Variants in FBXW10B observed in about 807,000 individuals in gnomAD.
The protein encoded by FBXW10B is F-box and WD repeat domain containing 10B, also known as F-box and WD repeat domain containing protein 10B.
the FBXW10B span, chr17:15,593,319 T>C: frequency 1.2e-6 from 2 of 1,613,840 alleles, no homozygotes; most frequent in African/African-American, 1.3e-5. Context: ...AGTTCTGACC[T>C]CCACACCTAC....
the FBXW10B span, chr17:15,565,919 C>T: frequency 6.2e-7 from 1 of 1,606,172 alleles, no homozygotes; most frequent in South Asian, 1.1e-5. Flanking sequence ...ACTTGGTCTC[C>T]ACCCTTTAAG....
the FBXW10B span, among the ~76,000 whole-genome samples, chr17:15,601,408 CA>C: frequency 0.25 from 16,596 of 66,480 alleles, 612 homozygotes; most frequent in Admixed American, 0.32. Flanking sequence ...GACTCCGTCT[CA>C]AAAAAAAAAA....
chr17:15,598,917 C>G, the FBXW10B span: 2,505 of 432,986 alleles, frequency 5.8e-3, 43 homozygotes, highest in East Asian at 0.047. Flanking sequence ...TGGCTCACCC[C>G]TGTAATCCCA....
the FBXW10B span, chr17:15,618,972 G>C: frequency 1.9e-6 from 3 of 1,599,776 alleles, no homozygotes; most frequent in Non-Finnish European, 1.7e-6. Flanking sequence ...TCTGGTCTTC[G>C]GGGGCCCTCT....
the FBXW10B span, among the ~76,000 whole-genome samples, chr17:15,579,846 C>A: frequency 1.3e-5 from 2 of 152,076 alleles, no homozygotes; most frequent in Non-Finnish European, 2.9e-5. Flanking sequence ...TTCTTAATTT[C>A]TGTAGAAAAT....
chr17:15,610,452 C>T, the FBXW10B span, among the ~76,000 whole-genome samples: 5 of 152,150 alleles, frequency 3.3e-5, no homozygotes, highest in African/African-American at 9.6e-5. Context: ...TCTGCTTTAG[C>T]TTCACTATCT....
chr17:15,616,811 C>CAAAAA, the FBXW10B span, among the ~76,000 whole-genome samples: 5 of 64,618 alleles, frequency 7.7e-5, no homozygotes, highest in African/African-American at 1.3e-4. Context: ...GACTCTGTCT[C>CAAAAA]AAAAAAAAAA....
At chr17:15,583,861 G>GTT in the FBXW10B span, among the ~76,000 whole-genome samples, 1 of 151,298 alleles carries the variant, frequency 6.6e-6, no homozygotes, top group African/African-American at 2.4e-5. Flanking sequence ...TATTTTAAGG[G>GTT]TTTTTTTTAA....
the FBXW10B span, among the ~76,000 whole-genome samples, chr17:15,591,146 A>C: frequency 6.6e-6 from 1 of 152,222 alleles, no homozygotes; most frequent in African/African-American, 2.4e-5. Flanking sequence ...GAGCCTCAGC[A>C]TGTGCAGGCT....
the FBXW10B span, chr17:15,613,714 C>G: frequency 6.2e-7 from 1 of 1,611,372 alleles, no homozygotes; most frequent in Non-Finnish European, 8.5e-7. Context: ...CAGAGGCGCA[C>G]TTGTTCAGGG....
At chr17:15,586,872 G>C in the FBXW10B span, among the ~76,000 whole-genome samples, 29 of 151,710 alleles carry the variant, frequency 1.9e-4, no homozygotes, top group African/African-American at 7.1e-4. Flanking sequence ...CAAAAGTGGA[G>C]GGTTTATCTT....
the FBXW10B span, among the ~76,000 whole-genome samples, chr17:15,578,141 C>T: frequency 1.3e-5 from 2 of 152,104 alleles, no homozygotes; most frequent in African/African-American, 2.4e-5. Flanking sequence ...TAATTAGACA[C>T]GTTCACAGAA....
chr17:15,594,623 G>A, the FBXW10B span: 1 of 999,644 alleles, frequency 1.0e-6, no homozygotes, highest in Non-Finnish European at 1.5e-6. Context: ...GGGAAGCAGA[G>A]AGGGTGAGGT....
At chr17:15,616,214 G>T in the FBXW10B span, among the ~76,000 whole-genome samples, 3 of 151,842 alleles carry the variant, frequency 2.0e-5, no homozygotes, top group Non-Finnish European at 4.4e-5. Context: ...TGCTCTTATT[G>T]CCCAGGGTGG....
the FBXW10B span, among the ~76,000 whole-genome samples, chr17:15,616,823 AAAAAAAAAAAAG>A: frequency 1.3e-5 from 2 of 149,384 alleles, no homozygotes; most frequent in East Asian, 2.0e-4. Flanking sequence ...AAAAAAAAAA[AAAAAAAAAAAAG>A]AAGAAGGTTG....
the FBXW10B span, among the ~76,000 whole-genome samples, chr17:15,567,973 CTG>C: frequency 6.6e-6 from 1 of 152,076 alleles, no homozygotes; most frequent in Non-Finnish European, 1.5e-5. Flanking sequence ...AGAGTGAAAA[CTG>C]TGTTTCCATT....
chr17:15,565,693 T>C, the FBXW10B span: 1 of 1,614,202 alleles, frequency 6.2e-7, no homozygotes, highest in South Asian at 1.1e-5. Flanking sequence ...TTCCTTCATC[T>C]TGGCTTCCTG....
At chr17:15,575,195 G>A in the FBXW10B span, among the ~76,000 whole-genome samples, 1 of 148,508 alleles carries the variant, frequency 6.7e-6, no homozygotes, top group African/African-American at 2.6e-5. Flanking sequence ...TGCCCTAGGA[G>A]ATTATAGCTG....
the FBXW10B span, among the ~76,000 whole-genome samples, chr17:15,566,659 C>T: frequency 6.6e-6 from 1 of 151,862 alleles, no homozygotes; most frequent in African/African-American, 2.4e-5. Flanking sequence ...CTTCCGGGTT[C>T]ACGCCGTTTT....
Sources: gnomAD v4.1 joint callset for allele counts (sites outside exome capture counted in the v4.1 genomes callset) on GRCh38, gnomAD v4.1.1 for gene constraint, MANE v1.5 for transcripts, NCBI Gene and HGNC (gene_info 2026-07-23, HGNC 2026-07-21) for gene names.